Variants in OGDH observed in about 807,000 individuals in gnomAD.
OGDH encodes the protein 2-oxoglutarate dehydrogenase complex component E1.
Under a neutral mutation model 116.6 loss-of-function variants are expected in OGDH, and 38 were observed. The ratio of observed to expected loss-of-function variants is 0.33; its 90% CI spans 0.25 to 0.43. The LOEUF (loss-of-function observed/expected upper bound fraction) is 0.43, where lower values mean the gene tolerates loss of function less well. OGDH is among the 20% of genes least tolerant of loss of function. The probability of loss-of-function intolerance (pLI) is 1.00; values close to 1 mark genes in which losing one functional copy is unlikely to be tolerated. For missense variants in OGDH, 825 were observed against 1,357.2 expected, an observed-to-expected ratio of 0.61 and a Z score of 6.16; for synonymous variants, 488 against 533.3, an observed-to-expected ratio of 0.92 and a Z score of 1.17.
chr7:44,679,215 C>T (rs1787822734), intron 9 of OGDH, among the ~76,000 whole-genome samples: 1 of 152,176 alleles, frequency 6.6e-6, no homozygotes, highest in South Asian at 2.1e-4. Flanking sequence ...CAGCAGAAGA[C>T]AGACTGGACA....
chr7:44,641,044 C>A (rs1472330657), intron 2 of OGDH, among the ~76,000 whole-genome samples: 3 of 150,182 alleles, frequency 2.0e-5, no homozygotes, highest in Non-Finnish European at 4.4e-5. Context: ...TAGGCACACA[C>A]CACCACCCCC....
intron 1 of OGDH, among the ~76,000 whole-genome samples, chr7:44,622,295 GA>G (rs1785038525): frequency 6.6e-6 from 1 of 152,128 alleles, no homozygotes; most frequent in Non-Finnish European, 1.5e-5. Flanking sequence ...TATATCAGTG[GA>G]AAAACTTGGA....
At chr7:44,684,704 A>T (rs1282978170) in intron 10 of OGDH, among the ~76,000 whole-genome samples, 1 of 152,182 alleles carries the variant, frequency 6.6e-6, no homozygotes, top group African/African-American at 2.4e-5. Context: ...TCTTTGAAAG[A>T]ATAGTGTTAG....
chr7:44,629,431 G>T (rs1785335715), intron 2 of OGDH, among the ~76,000 whole-genome samples: 1 of 152,144 alleles, frequency 6.6e-6, no homozygotes, highest in South Asian at 2.1e-4. Flanking sequence ...GGCCCTCCTG[G>T]CCATTTGGCT....
chr7:44,638,431 T>G (rs1052789108), intron 2 of OGDH, among the ~76,000 whole-genome samples: 1 of 152,222 alleles, frequency 6.6e-6, no homozygotes, highest in Non-Finnish European at 1.5e-5. Context: ...GTCTTCAGTG[T>G]GTTTGATGGT....
rs114575684 is a variant in OGDH at position 44,636,408 on chromosome 7, G to A, written c.223-8919G>A. ...GCAGAGTCTGCTGCCTGTAGCTGCC[G>A]ATATGTGGGAACAGACAAGTGCTCC... On this transcript the variant is annotated intron_variant, in intron 2 of 22. Coordinates refer to ENST00000222673, the MANE Select transcript of OGDH (RefSeq NM_002541.4). Among the ~76,000 whole-genome samples the A allele has an allele frequency of 4.2e-3, 643 of 152,346 alleles. 4 individuals carry two copies. Among genetic ancestry groups the A allele is most frequent in the African/African-American group, 0.013 (558 of 41,588 alleles).
rs1786858587 is a variant in OGDH at position 44,659,846 on chromosome 7, G to T, written c.518-6890G>T. Among the ~76,000 whole-genome samples the T allele has an allele frequency of 2.6e-5, 4 of 152,240 alleles. No homozygotes were observed. The South Asian group carries it at 8.3e-4, about 32-fold the overall frequency. On this transcript the variant is annotated intron_variant, in intron 4 of 22. Transcript: ENST00000222673. ...TATTTGTCAGTCTTGTAAGAGATTT[G>T]TCGATGTTACTAATCTTTTCAAAGA...
Position 44,694,437 on chromosome 7 carries a change from G to T in OGDH, c.1529G>T (p.Arg510Leu). 2.5e-6 allele frequency: 4 copies of T among 1,613,840 alleles called. No homozygotes were observed. The highest frequency in any genetic ancestry group is 3.4e-6 in the Non-Finnish European group (4 of 1,180,000). Residue 510 changes from arginine to leucine, a missense_variant, in exon 12 of 23, where the codon CGC (arginine) becomes CTC (leucine). Transcript: ENST00000222673. The surrounding 1 kb of genome is among the most constrained non-coding windows in gnomAD (Gnocchi z 4.2). ...DVVVDLVCYR[R>L]NGHNEMDEPM... Reference sequence around the variant, plus strand: ...TGCTCTGAGCAGGTGTGTTACCGGCGCAACGGCCACAACGAGATGGATGAG... The same window carrying T: ...TGCTCTGAGCAGGTGTGTTACCGGCTCAACGGCCACAACGAGATGGATGAG...
intron 4 of OGDH, among the ~76,000 whole-genome samples, chr7:44,663,357 G>T (rs1186862011): frequency 6.6e-6 from 1 of 152,178 alleles, no homozygotes; most frequent in Non-Finnish European, 1.5e-5. Flanking sequence ...AATTGTTTGG[G>T]CCAGGTGCAG....
rs183370185 is a variant in OGDH at position 44,684,306 on chromosome 7, G to C, written c.1335+2458G>C. On this transcript the variant is annotated intron_variant, in intron 10 of 22. Transcript: ENST00000222673. Reference sequence around the variant, plus strand: ...TTGGTTATAAAGATGATTTGTTATAGTTTAGAATTGATTAGAGGAGGACAG... The same window carrying C: ...TTGGTTATAAAGATGATTTGTTATACTTTAGAATTGATTAGAGGAGGACAG... 1.2e-3 allele frequency among the ~76,000 whole-genome samples: 177 copies of C among 152,248 alleles called. No homozygotes were observed. In the Middle Eastern group the frequency reaches 0.014, roughly 12 times the overall value.
At chr7:44,628,447 TA>T (rs1785292400) in intron 2 of OGDH, among the ~76,000 whole-genome samples, 1 of 139,172 alleles carries the variant, frequency 7.2e-6, no homozygotes, top group African/African-American at 2.6e-5. Context: ...TAATTTTATT[TA>T]TTTTTTAATT....
rs367618602 is a variant in OGDH at position 44,667,038 on chromosome 7, C to G, written c.633+187C>G. Among the ~76,000 whole-genome samples, 42 of 152,206 alleles carry G rather than the reference C, an allele frequency of 2.8e-4. No individual in the cohort carries two copies. The South Asian group carries it at 8.5e-3, about 31-fold the overall frequency. ...TTTGGCTCACTGCAGCCTTGACCTC[C>G]CAGTCTCAAACCATCCTCCCACCCC... On this transcript the variant is annotated intron_variant, in intron 5 of 22. Transcript: ENST00000222673.
intron 2 of OGDH, among the ~76,000 whole-genome samples, chr7:44,628,080 T>A (rs1785278816): frequency 6.6e-6 from 1 of 152,230 alleles, no homozygotes; most frequent in African/African-American, 2.4e-5. Context: ...TCACGCAGCT[T>A]CAACAGCTGT....
Position 44,696,195 on chromosome 7 carries a change from C to T in OGDH, c.1771+68C>T, listed in dbSNP as rs914912468. The T allele has an allele frequency of 4.8e-6, 6 of 1,242,562 alleles. No homozygotes were observed. The African/African-American group carries it at 8.9e-5, about 18-fold the overall frequency. The allele number at this position is 1,242,562 out of a possible 1,614,324, so 77.0% of individuals were successfully genotyped here. On this transcript the variant is annotated intron_variant, in intron 13 of 22. Transcript: ENST00000222673. ...CTGATGTAACGAGGCATCCTCTTCC[C>T]AGAAAAAATTCATGCTTTCCACTTT...
At chr7:44,616,078 C>G (rs1784755370) in intron 1 of OGDH, among the ~76,000 whole-genome samples, 1 of 151,700 alleles carries the variant, frequency 6.6e-6, no homozygotes, top group South Asian at 2.1e-4. Context: ...TCCTCTGGTT[C>G]CTAGCCAGTC....
At chr7:44,650,530 A>G (rs1355828061) in intron 4 of OGDH, among the ~76,000 whole-genome samples, 2 of 152,196 alleles carry the variant, frequency 1.3e-5, no homozygotes, top group Non-Finnish European at 1.5e-5. Context: ...ACTATGCTCC[A>G]AGTGGGCTTA....
At chr7:44,636,583 G>A (rs931500191) in intron 2 of OGDH, among the ~76,000 whole-genome samples, 5 of 152,224 alleles carry the variant, frequency 3.3e-5, no homozygotes, top group African/African-American at 1.2e-4. Context: ...ATTCAGTAAA[G>A]GTTAGGTGAG....
At position 44,694,660 on chromosome 7, in the gene OGDH, T is replaced by G; in HGVS notation, c.1668+84T>G. 1 of 1,513,850 alleles carries G rather than the reference T, an allele frequency of 6.6e-7. No individual in the cohort carries two copies. The highest frequency in any genetic ancestry group is 9.1e-7 in the Non-Finnish European group (1 of 1,099,168). 93.8% of individuals were successfully genotyped at this position (1,513,850 alleles called of 1,614,324 possible). ...GGTGGGCCACAGGGCCAGTTCTCAC[T>G]TTTGCCAGTTATGAGGATACACGTG... On this transcript the variant is annotated intron_variant, in intron 12 of 22. Transcript: ENST00000222673. The surrounding 1 kb of genome is among the most constrained non-coding windows in gnomAD (Gnocchi z 4.2).
rs1337553537 is a variant in OGDH at position 44,694,179 on chromosome 7, A to G, written c.1515+175A>G. On this transcript the variant is annotated intron_variant, in intron 11 of 22. Transcript: ENST00000222673. This position sits in a 1 kb window ranked among gnomAD's most constrained non-coding sequence, Gnocchi z 4.2. ...CTCCAAATAGTTCAGGCCTGTAAGC[A>G]CCAAGGAATGCTTCCCAGGCAGGAG... Among the ~76,000 whole-genome samples, 9 of 152,106 alleles carry G rather than the reference A, an allele frequency of 5.9e-5. No individual in the cohort carries two copies. Among genetic ancestry groups the G allele is most frequent in the African/African-American group, 1.9e-4 (8 of 41,430 alleles).
Sources: gnomAD v4.1 joint callset for allele counts (sites outside exome capture counted in the v4.1 genomes callset) on GRCh38, gnomAD v4.1.1 for gene constraint, Gnocchi (gnomAD v3.1) non-coding constraint, MANE v1.5 for transcripts, NCBI Gene and HGNC (gene_info 2026-07-23, HGNC 2026-07-21) for gene names.